CSMD1: variants seen among roughly 807,000 people sequenced by gnomAD.
CSMD1 encodes CUB and sushi domain-containing protein 1.
In CSMD1, 213 loss-of-function variants were observed where a neutral mutation model predicts 417.5. That is an observed-to-expected ratio of 0.51 (90% CI 0.46 to 0.57). CSMD1 has a LOEUF of 0.57. Among genes scored for constraint, CSMD1 ranks in the 20% least tolerant of loss-of-function variants. The pLI, the probability that CSMD1 is intolerant of heterozygous loss-of-function variation, is 0.00. For synonymous variants in CSMD1, 2,862 were observed against 1,736.8 expected (o/e 1.65, Z -16.11); for missense variants, 6,923 against 4,529.7 (o/e 1.53, Z -15.17).
At chr8:4,815,992 A>T (rs887063767) in intron 1 of CSMD1, among the ~76,000 whole-genome samples, 1 of 152,138 alleles carries the variant, frequency 6.6e-6, no homozygotes, top group African/African-American at 2.4e-5. Context: ...CCAGAAATGA[A>T]AAGTACAAAA....
At chr8:4,739,764 T>A (rs1469530838) in intron 1 of CSMD1, among the ~76,000 whole-genome samples, 3 of 152,260 alleles carry the variant, frequency 2.0e-5, no homozygotes, top group Admixed American at 1.3e-4. Context: ...ACAAAGATTC[T>A]CCAGTCCCTC....
At chr8:3,075,142 G>T (rs1040906750) in intron 49 of CSMD1, among the ~76,000 whole-genome samples, 2 of 152,140 alleles carry the variant, frequency 1.3e-5, no homozygotes, top group African/African-American at 4.8e-5. Flanking sequence ...GCCATGATTA[G>T]AAGTTTCCTG....
At chr8:4,127,453 GAAAAAAAAAAAAAAAA>G (rs199764792) in intron 3 of CSMD1, among the ~76,000 whole-genome samples, 2 of 102,726 alleles carry the variant, frequency 1.9e-5, no homozygotes, top group South Asian at 3.5e-4. Context: ...AAGCATTAAT[GAAAAAAAAAAAAAAAA>G]AAAAAAAAAA....
intron 12 of CSMD1, among the ~76,000 whole-genome samples, chr8:3,411,894 G>A (rs199497441): frequency 8.3e-5 from 7 of 84,008 alleles, no homozygotes; most frequent in East Asian, 5.5e-4. Context: ...ACGTATATAT[G>A]CACGTATATA....
At chr8:4,747,205 A>C (rs1415591657) in intron 1 of CSMD1, among the ~76,000 whole-genome samples, 1 of 152,174 alleles carries the variant, frequency 6.6e-6, no homozygotes, top group Non-Finnish European at 1.5e-5. Flanking sequence ...CTCTTGGAGA[A>C]TTTCTACCTT....
intron 1 of CSMD1, among the ~76,000 whole-genome samples, chr8:4,908,613 C>T (rs1347818975): frequency 8.6e-5 from 13 of 151,700 alleles, no homozygotes; most frequent in African/African-American, 2.7e-4. Flanking sequence ...AGTCAAGCTC[C>T]GAGTCTTTTC....
intron 4 of CSMD1, among the ~76,000 whole-genome samples, chr8:4,029,501 G>C (rs566518579): frequency 2.0e-5 from 3 of 152,108 alleles, no homozygotes; most frequent in Admixed American, 2.0e-4. Context: ...GATCTTGAGA[G>C]ACTTATTCAC....
intron 2 of CSMD1, among the ~76,000 whole-genome samples, chr8:4,442,839 T>C (rs910680458): frequency 2.0e-5 from 3 of 152,220 alleles, no homozygotes; most frequent in Non-Finnish European, 4.4e-5. Context: ...GTTGCCTTTA[T>C]TTACATGATT....
intron 12 of CSMD1, among the ~76,000 whole-genome samples, chr8:3,448,018 C>G (rs1815409751): frequency 6.6e-6 from 1 of 151,972 alleles, no homozygotes; most frequent in Non-Finnish European, 1.5e-5. Context: ...ACTGGGACCT[C>G]CTAACCCTGG....
chr8:4,914,393 G>A (rs1481761902), intron 1 of CSMD1, among the ~76,000 whole-genome samples: 1 of 151,902 alleles, frequency 6.6e-6, no homozygotes, highest in Non-Finnish European at 1.5e-5. Context: ...TGGCTAACAC[G>A]GTGAAACTCC....
intron 1 of CSMD1, among the ~76,000 whole-genome samples, chr8:4,990,473 C>T (rs1376613398): frequency 6.6e-6 from 1 of 152,090 alleles, no homozygotes; most frequent in African/African-American, 2.4e-5. Context: ...AAGAGATTCT[C>T]CTGCCTCAGC....
At chr8:4,176,316 G>T (rs1050780029) in intron 3 of CSMD1, among the ~76,000 whole-genome samples, 3 of 152,066 alleles carry the variant, frequency 2.0e-5, no homozygotes, top group African/African-American at 7.3e-5. Flanking sequence ...TATCTATATT[G>T]TTTGCTGACG....
At chr8:4,943,147 T>C (rs180923265) in intron 1 of CSMD1, among the ~76,000 whole-genome samples, 77 of 152,310 alleles carry the variant, frequency 5.1e-4, no homozygotes, top group African/African-American at 1.7e-3. Flanking sequence ...TCACTTCTAA[T>C]CAGTTAGTAA....
intron 1 of CSMD1, among the ~76,000 whole-genome samples, chr8:4,987,388 C>T (rs1454827458): frequency 6.6e-6 from 1 of 152,260 alleles, no homozygotes; most frequent in African/African-American, 2.4e-5. Flanking sequence ...AGGGTTGCTG[C>T]AACACTTTAG....
intron 50 of CSMD1, among the ~76,000 whole-genome samples, chr8:3,039,784 T>G (rs1451631660): frequency 6.6e-6 from 1 of 152,156 alleles, no homozygotes; most frequent in Admixed American, 6.6e-5. Flanking sequence ...ACCCAGAGAT[T>G]AGACTTAATT....
rs189284793 is a variant in CSMD1, at chr8:3,470,033, T to C, written c.1449-1209A>G. On this transcript the variant is annotated intron_variant, in intron 11 of 69. Coordinates refer to ENST00000635120, the MANE Select transcript of CSMD1 (RefSeq NM_033225.6). Reference sequence around the variant, plus strand: ...AAAAAGCGCACAGATCGTGAATGTCTAACTCTATGAATTTTTACAAAGTGA... The same window carrying C: ...AAAAAGCGCACAGATCGTGAATGTCCAACTCTATGAATTTTTACAAAGTGA... Among the ~76,000 whole-genome samples, 190 of 152,266 alleles carry C rather than the reference T, an allele frequency of 1.2e-3. 2 individuals are homozygous for C. Among genetic ancestry groups the C allele is most frequent in the Non-Finnish European group, 4.3e-4 (29 of 68,022 alleles).
intron 5 of CSMD1, among the ~76,000 whole-genome samples, chr8:3,947,211 G>C (rs75302833): frequency 0.011 from 1,661 of 152,244 alleles, 35 homozygotes; most frequent in African/African-American, 0.038. Context: ...TCAGTTCCTA[G>C]TCAGCTGAAA....
chr8:4,467,578 T>C (rs1182789517), intron 2 of CSMD1, among the ~76,000 whole-genome samples: 1 of 152,200 alleles, frequency 6.6e-6, no homozygotes, highest in African/African-American at 2.4e-5. Flanking sequence ...AAGAAACAAA[T>C]ATTTTCTCCC....
chr8:4,613,366 G>A (rs1476627784), intron 2 of CSMD1, among the ~76,000 whole-genome samples: 1 of 152,086 alleles, frequency 6.6e-6, no homozygotes, highest in African/African-American at 2.4e-5. Flanking sequence ...CCTCCACACT[G>A]GCACACAGAG....
Sources: gnomAD v4.1 joint callset for allele counts (sites outside exome capture counted in the v4.1 genomes callset) on GRCh38, gnomAD v4.1.1 for gene constraint, MANE v1.5 for transcripts, NCBI Gene and HGNC (gene_info 2026-07-23, HGNC 2026-07-21) for gene names.